Variants in UGT1A7 observed in about 807,000 individuals in gnomAD.
UGT1A7 encodes UDP-glucuronosyltransferase 1A7.
A neutral mutation model predicts 45.6 loss-of-function variants in UGT1A7; 33 were observed. The ratio of observed to expected loss-of-function variants is 0.72; its 90% confidence interval spans 0.55 to 0.97. The LOEUF is 0.97. Among genes scored for constraint, UGT1A7 ranks in the 50% least tolerant of loss-of-function variants. UGT1A7 has a pLI of 0.00. For missense variants in UGT1A7, 684 were observed against 666.2 expected (o/e 1.03, Z -0.29); for synonymous variants, 274 against 250.6 (o/e 1.09, Z -0.88).
In UGT1A7 at chr2:233,748,102, A is replaced by G. The variant is rs1693867397; in HGVS notation, c.856-18932A>G. On this transcript the variant is annotated intron_variant, in intron 1 of 4. Coordinates refer to ENST00000373426, the MANE Select transcript of UGT1A7 (RefSeq NM_019077.3). Reference sequence around the variant, plus strand: ...CAGGTCGGTGTTCGTGCCTTCATCCAATCAATGTTCCAGGCAAAACAGTTT... The same window carrying G: ...CAGGTCGGTGTTCGTGCCTTCATCCGATCAATGTTCCAGGCAAAACAGTTT... The G allele has an allele frequency of 3.7e-6, 6 of 1,612,660 alleles. No homozygotes were observed. The Admixed American group carries it at 5.0e-5, about 13-fold the overall frequency.
chr2:233,757,555 T>TATATATATATATACATATAC, intron 1 of UGT1A7, among the ~76,000 whole-genome samples: 3 of 125,180 alleles, frequency 2.4e-5, no homozygotes, highest in Non-Finnish European at 3.3e-5. Flanking sequence ...TATATATATA[T>TATATATATATATACATATAC]ATATATGTAT....
intron 1 of UGT1A7, among the ~76,000 whole-genome samples, chr2:233,757,366 A>G (rs1696506551): frequency 6.6e-6 from 1 of 151,072 alleles, no homozygotes; most frequent in Admixed American, 6.6e-5. Flanking sequence ...AGTGGTAGAA[A>G]CATCCAGATT....
intron 1 of UGT1A7, among the ~76,000 whole-genome samples, chr2:233,725,323 G>A (rs1370271039): frequency 1.0e-5 from 1 of 97,652 alleles, no homozygotes; most frequent in East Asian, 3.5e-4. Flanking sequence ...GAGGCGCCTG[G>A]TCAACAATCT....
chr2:233,725,050 GGCGGC>G (rs1446424996), intron 1 of UGT1A7, among the ~76,000 whole-genome samples: 4 of 147,892 alleles, frequency 2.7e-5, no homozygotes, highest in African/African-American at 1.0e-4. Context: ...AGTCAGGCGT[GGCGGC>G]GCGCGCCTGC....
chr2:233,699,351 C>T (rs2075500801), intron 1 of UGT1A7, among the ~76,000 whole-genome samples: 1 of 152,162 alleles, frequency 6.6e-6, no homozygotes, highest in Non-Finnish European at 1.5e-5. Flanking sequence ...GGGCTAACCT[C>T]TTTTCTTATT....
chr2:233,767,978 A>C, intron 3 of UGT1A7, 42 bp downstream of exon 3: 1 of 1,614,204 alleles, frequency 6.2e-7, no homozygotes, highest in Admixed American at 1.7e-5. Context: ...ACCAGGGTCA[A>C]ATTAAGAAAA....
intron 1 of UGT1A7, among the ~76,000 whole-genome samples, chr2:233,730,228 A>C (rs1452253357): frequency 2.0e-5 from 3 of 152,146 alleles, no homozygotes; most frequent in East Asian, 3.9e-4. Flanking sequence ...TTGTAAAAGG[A>C]TGGACAAGGA....
chr2:233,726,566 C>G (rs772348074), intron 1 of UGT1A7, among the ~76,000 whole-genome samples: 4 of 152,178 alleles, frequency 2.6e-5, no homozygotes, highest in African/African-American at 2.4e-5. Flanking sequence ...CCCACTCTTA[C>G]GCCTGTCTCC....
intron 1 of UGT1A7, among the ~76,000 whole-genome samples, chr2:233,736,548 C>T (rs547329540): frequency 1.4e-4 from 21 of 152,318 alleles, no homozygotes; most frequent in Admixed American, 5.9e-4. Flanking sequence ...CAGCTTTGCT[C>T]CATTGCTAGC....
chr2:233,765,844 C>G (rs997504549), intron 1 of UGT1A7, among the ~76,000 whole-genome samples: 1 of 152,044 alleles, frequency 6.6e-6, no homozygotes, highest in African/African-American at 2.4e-5. Flanking sequence ...TTCCTTGTCC[C>G]CCTCACAGAG....
At chr2:233,745,949 A>G (rs1225490168) in intron 1 of UGT1A7, among the ~76,000 whole-genome samples, 4 of 151,666 alleles carry the variant, frequency 2.6e-5, no homozygotes, top group East Asian at 3.9e-4. Context: ...GGGTTGGGCA[A>G]CTGGGGGACA....
chr2:233,760,323 C>G (rs760176104), intron 1 of UGT1A7: 27 of 1,613,844 alleles, frequency 1.7e-5, no homozygotes, highest in Non-Finnish European at 2.3e-5. Flanking sequence ...GCCCACTTGT[C>G]CTGGGCCTGC....
intron 1 of UGT1A7, chr2:233,740,870 A>G (rs528081181): frequency 3.3e-5 from 5 of 151,856 alleles, no homozygotes; most frequent in Non-Finnish European, 7.3e-5. Context: ...TTCTTTAAAT[A>G]AAATGCTCTT....
At chr2:233,741,974 C>A (rs1011197699) in intron 1 of UGT1A7, 2 of 151,852 alleles carry the variant, frequency 1.3e-5, no homozygotes, top group Non-Finnish European at 2.9e-5. Context: ...GTTTATGGTG[C>A]CTCACCCAAA....
chr2:233,706,094 TA>T (rs141668784), intron 1 of UGT1A7, among the ~76,000 whole-genome samples: 1 of 151,444 alleles, frequency 6.6e-6, no homozygotes, highest in Middle Eastern at 3.4e-3. Flanking sequence ...GATTCTGTCT[TA>T]AAAAAAAACC....
At chr2:233,748,018 T>C in intron 1 of UGT1A7, 1 of 1,613,548 alleles carries the variant, frequency 6.2e-7, no homozygotes, top group East Asian at 2.2e-5. Context: ...CCCAGGCCGA[T>C]CATGCCCAAC....
chr2:233,767,370 A>G (rs1265140795), intron 2 of UGT1A7, among the ~76,000 whole-genome samples: 1 of 152,186 alleles, frequency 6.6e-6, no homozygotes, highest in Non-Finnish European at 1.5e-5. Context: ...CTATTAAACT[A>G]TGATCCACCA....
chr2:233,748,482 T>G (rs1174810693), intron 1 of UGT1A7, among the ~76,000 whole-genome samples: 1 of 151,838 alleles, frequency 6.6e-6, no homozygotes, highest in African/African-American at 2.4e-5. Flanking sequence ...AAATTACAAT[T>G]GTTAATGTGA....
intron 1 of UGT1A7, among the ~76,000 whole-genome samples, chr2:233,708,986 G>A (rs4663327): frequency 0.15 from 22,905 of 151,890 alleles, 2,054 homozygotes; most frequent in South Asian, 0.24. Flanking sequence ...TTCCTCGGCC[G>A]TGGCATCCTT....
Sources: gnomAD v4.1 joint callset for allele counts (sites outside exome capture counted in the v4.1 genomes callset) on GRCh38, gnomAD v4.1.1 for gene constraint, MANE v1.5 for transcripts, NCBI Gene and HGNC (gene_info 2026-07-23, HGNC 2026-07-21) for gene names.